The following RFTN2 variants were observed in gnomAD, a reference collection of about 807,000 sequenced individuals.
The protein encoded by RFTN2 is raftlin-2.
RFTN2 carries 34 observed loss-of-function variants against 52.7 expected under a neutral mutation model. The ratio of observed to expected loss-of-function variants is 0.64; its 90% CI spans 0.49 to 0.86. The LOEUF (loss-of-function observed/expected upper bound fraction) is 0.86, where lower values mean the gene tolerates loss of function less well. RFTN2 is among the 40% of genes least tolerant of loss of function. The probability of loss-of-function intolerance (pLI) is 0.00; values close to 1 mark genes in which losing one functional copy is unlikely to be tolerated. For missense variants in RFTN2, 536 were observed against 600.1 expected (o/e 0.89, Z 1.12); for synonymous variants, 203 against 217.7 (o/e 0.93, Z 0.59).
intron 1 of RFTN2, among the ~76,000 whole-genome samples, chr2:197,650,090 C>A (rs2088804353): frequency 6.6e-6 from 1 of 151,188 alleles, no homozygotes; most frequent in Non-Finnish European, 1.5e-5. Context: ...TGTTTTACTA[C>A]AATAAAAAGA....
chr2:197,613,530 A>C (rs2088096974), intron 7 of RFTN2, among the ~76,000 whole-genome samples: 1 of 152,242 alleles, frequency 6.6e-6, no homozygotes. Context: ...TATTTTGACC[A>C]AGGTCAACTG....
chr2:197,619,965 G>C (rs982053891), intron 5 of RFTN2, among the ~76,000 whole-genome samples: 1 of 150,822 alleles, frequency 6.6e-6, no homozygotes, highest in Non-Finnish European at 1.5e-5. Flanking sequence ...AGTGAGAAGC[G>C]AGTGGAAAAT....
intron 1 of RFTN2, among the ~76,000 whole-genome samples, chr2:197,657,025 TA>T (rs143003973): frequency 0.47 from 70,699 of 150,572 alleles, 16,942 homozygotes; most frequent in Middle Eastern, 0.59. Context: ...GTTAAAAAAA[TA>T]AAAAAAAAAA....
At chr2:197,617,682 A>AAAAAAC in intron 6 of RFTN2, 118 bp downstream of exon 6, 1 of 362,792 alleles carries the variant, frequency 2.8e-6, no homozygotes, top group Non-Finnish European at 4.0e-6. Context: ...CCCTGACTCA[A>AAAAAAC]AAAAACAAAA....
intron 1 of RFTN2, among the ~76,000 whole-genome samples, chr2:197,648,268 C>T (rs1015347639): frequency 1.3e-5 from 2 of 152,190 alleles, no homozygotes; most frequent in Non-Finnish European, 1.5e-5. Flanking sequence ...CTAAAATAAG[C>T]GCTCAACAGA....
At chr2:197,608,859 A>G (rs139161210) in intron 7 of RFTN2, among the ~76,000 whole-genome samples, 2,372 of 149,182 alleles carry the variant, frequency 0.016, 52 homozygotes, top group African/African-American at 0.056. Context: ...TTCAACTCCC[A>G]CTTATTAGTG....
At chr2:197,603,658 G>T (rs953170615) in intron 7 of RFTN2, among the ~76,000 whole-genome samples, 2 of 152,148 alleles carry the variant, frequency 1.3e-5, no homozygotes, top group Admixed American at 1.3e-4. Flanking sequence ...GCTCACGCCT[G>T]TAATCCCAGC....
intron 3 of RFTN2, among the ~76,000 whole-genome samples, chr2:197,637,487 G>A (rs1262284373): frequency 6.6e-6 from 1 of 152,148 alleles, no homozygotes; most frequent in Non-Finnish European, 1.5e-5. Context: ...ATGTGTTGAG[G>A]AATTTATCCA....
intron 3 of RFTN2, among the ~76,000 whole-genome samples, chr2:197,640,687 CCCGTCTTCTG>C (rs573655613): frequency 6.1e-4 from 93 of 152,362 alleles, no homozygotes; most frequent in African/African-American, 2.2e-3. Context: ...GCAGAAATCA[CCCGTCTTCTG>C]CGTCGCTCAC....
At position 197,591,851 on chromosome 2, in the gene RFTN2, A is replaced by C. The variant is rs113053193; in HGVS notation, c.1233+4140T>G. On this transcript the variant is annotated intron_variant, in intron 8 of 8. Transcript: ENST00000295049. ...GGCCGCTCTGAGTGTGGGCCCACCGAGCCCACGCCCATCTGGAACTCGCCC... is the reference window on the plus strand; with the variant it reads ...GGCCGCTCTGAGTGTGGGCCCACCGCGCCCACGCCCATCTGGAACTCGCCC... Among the ~76,000 whole-genome samples, 690 of 151,382 alleles carry C rather than the reference A, an allele frequency of 4.6e-3. 3 individuals carry two copies. The highest frequency in any genetic ancestry group is 6.5e-3 in the Non-Finnish European group (440 of 67,722).
intron 8 of RFTN2, among the ~76,000 whole-genome samples, chr2:197,591,603 G>A (rs934807144): frequency 7.2e-5 from 11 of 152,298 alleles, no homozygotes; most frequent in African/African-American, 2.2e-4. Context: ...ACTGGAGCAG[G>A]GGGCAGCACT....
At position 197,570,960 on chromosome 2, in the gene RFTN2, T is replaced by C. The variant is rs1375884108; in HGVS notation, c.*1048A>G. The C allele has an allele frequency of 6.6e-6, 1 of 152,306 alleles. No homozygotes were observed. The allele number at this position is 152,306 out of a possible 1,614,324, so 9.4% of individuals were successfully genotyped here. On this transcript the variant is annotated 3_prime_UTR_variant, in exon 9 of 9. Transcript: ENST00000295049. ...GCCTTTCATAGATAAATGAAAATCC[T>C]TTATTTTGTAGAATTTTAAAGATTG... is the stretch of plus-strand genomic sequence containing the variant.
intron 3 of RFTN2, among the ~76,000 whole-genome samples, chr2:197,634,561 T>C (rs1393759167): frequency 2.6e-5 from 4 of 152,138 alleles, no homozygotes; most frequent in African/African-American, 4.8e-5. Context: ...TATGTCTTTA[T>C]GGTATTGTCT....
chr2:197,581,727 G>A (rs891827783), intron 8 of RFTN2, among the ~76,000 whole-genome samples: 3 of 152,068 alleles, frequency 2.0e-5, no homozygotes, highest in Non-Finnish European at 2.9e-5. Flanking sequence ...AAAAACACAT[G>A]TGCTCTCCCT....
In RFTN2 at chr2:197,608,878, C is replaced by T. The variant is rs192621036; in HGVS notation, c.1154+6998G>A. On this transcript the variant is annotated intron_variant, in intron 7 of 8. Coordinates refer to ENST00000295049, the MANE Select transcript of RFTN2 (RefSeq NM_144629.3). Reference sequence around the variant, plus strand: ...ACTCCCACTTATTAGTGAGAACATGCGATGTTTGGTTTTCTCTTCTTGTGT... The same window carrying T: ...ACTCCCACTTATTAGTGAGAACATGTGATGTTTGGTTTTCTCTTCTTGTGT... 6.3e-4 allele frequency among the ~76,000 whole-genome samples: 96 copies of T among 151,950 alleles called. 2 individuals are homozygous for T. In the East Asian group the frequency reaches 0.016, roughly 25 times the overall value.
chr2:197,667,323 C>T (rs2089076149), intron 1 of RFTN2, among the ~76,000 whole-genome samples: 1 of 152,168 alleles, frequency 6.6e-6, no homozygotes, highest in African/African-American at 2.4e-5. Context: ...GTAAATTTGT[C>T]ATTCATATCC....
chr2:197,603,460 T>G (rs1041211094), intron 7 of RFTN2, among the ~76,000 whole-genome samples: 3 of 152,212 alleles, frequency 2.0e-5, no homozygotes, highest in Admixed American at 1.3e-4. Flanking sequence ...AAGTAAGTTA[T>G]AGGTAGAGAT....
intron 3 of RFTN2, among the ~76,000 whole-genome samples, chr2:197,637,194 A>AAATTCT (rs1411794798): frequency 6.6e-6 from 1 of 151,440 alleles, no homozygotes; most frequent in Non-Finnish European, 1.5e-5. Context: ...TATTGGTCTA[A>AAATTCT]AATTCTCTTT....
intron 8 of RFTN2, among the ~76,000 whole-genome samples, chr2:197,579,583 T>C (rs1381322719): frequency 6.6e-6 from 1 of 152,222 alleles, no homozygotes; most frequent in African/African-American, 2.4e-5. Flanking sequence ...CGGTCTGAGA[T>C]GCCTGACGTC....
Sources: allele counts gnomAD v4.1 joint callset (sites outside exome capture counted in the v4.1 genomes callset), GRCh38; gene constraint gnomAD v4.1.1; transcripts MANE v1.5; gene names NCBI Gene and HGNC (gene_info 2026-07-23, HGNC 2026-07-21).